Variants in STPG4 observed in about 807,000 individuals in gnomAD.
STPG4 encodes the protein sperm-tail PG-rich repeat containing 4.
A neutral mutation model predicts 31.5 loss-of-function variants in STPG4; 41 were observed. The ratio of observed to expected loss-of-function variants is 1.30; its 90% CI spans 1.01 to 1.69. The LOEUF (loss-of-function observed/expected upper bound fraction) is 1.69. Among genes scored for constraint, STPG4 ranks in the 40% most tolerant of loss-of-function variants. The pLI, the probability that STPG4 is intolerant of heterozygous loss-of-function variation, is 0.00. For synonymous variants in STPG4, 141 were observed against 103.0 expected (o/e 1.37, Z -2.24); for missense variants, 375 against 293.4 (o/e 1.28, Z -2.03).
chr2:47,123,843 G>C (rs746092539), intron 5 of STPG4, among the ~76,000 whole-genome samples: 3 of 152,024 alleles, frequency 2.0e-5, no homozygotes, highest in Non-Finnish European at 4.4e-5. Context: ...TATATTTATG[G>C]AGTACATGAG....
At chr2:47,123,409 T>C (rs978641726) in intron 5 of STPG4, among the ~76,000 whole-genome samples, 4 of 152,176 alleles carry the variant, frequency 2.6e-5, no homozygotes, top group African/African-American at 7.2e-5. Context: ...GTGCTAGGTA[T>C]ACAGGAAAGA....
chr2:47,114,762 C>T (rs1272868841), intron 5 of STPG4, among the ~76,000 whole-genome samples: 1 of 150,974 alleles, frequency 6.6e-6, no homozygotes. Context: ...TCCAACAATA[C>T]ATTTTTTTAT....
intron 5 of STPG4, among the ~76,000 whole-genome samples, chr2:47,127,435 C>G (rs561790257): frequency 2.0e-5 from 3 of 151,876 alleles, no homozygotes; most frequent in Admixed American, 2.0e-4. Flanking sequence ...CACTCAGATG[C>G]TTTTTGTATT....
intron 5 of STPG4, among the ~76,000 whole-genome samples, chr2:47,111,511 C>A (rs1300119713): frequency 1.3e-5 from 2 of 152,164 alleles, no homozygotes; most frequent in Non-Finnish European, 2.9e-5. Flanking sequence ...TTGTCCAGTT[C>A]TCTTGGATGA....
intron 3 of STPG4, among the ~76,000 whole-genome samples, chr2:47,131,346 C>G (rs1686480319): frequency 6.6e-6 from 1 of 151,470 alleles, no homozygotes; most frequent in South Asian, 2.1e-4. Context: ...AAGCTGGTCT[C>G]AAACACCTGA....
intron 1 of STPG4, 131 bp downstream of exon 1, chr2:47,155,040 G>C (rs1160145253): frequency 1.3e-6 from 1 of 770,098 alleles, no homozygotes; most frequent in Non-Finnish European, 2.2e-6. Flanking sequence ...CGTGCGTGAG[G>C]GCAGGGAGAG....
chr2:47,107,294 G>C (rs999737991), intron 5 of STPG4, among the ~76,000 whole-genome samples: 1 of 152,116 alleles, frequency 6.6e-6, no homozygotes, highest in African/African-American at 2.4e-5. Flanking sequence ...ACGCGCAAGT[G>C]GGAACCGGGG....
Position 47,143,611 on chromosome 2 carries a change from G to A in STPG4, c.399+7647C>T, listed in dbSNP as rs189520638. Among the ~76,000 whole-genome samples, 1,475 of 151,710 alleles carry A rather than the reference G, an allele frequency of 9.7e-3. 21 individuals are homozygous for A. Among genetic ancestry groups the A allele is most frequent in the South Asian group, 0.046 (223 of 4,798 alleles). Reference sequence around the variant, plus strand: ...CGCCATTCTCCTGCCTCAGCCTCCCGAATAGCTGGGACTATAGGCGTGCGC... The same window carrying A: ...CGCCATTCTCCTGCCTCAGCCTCCCAAATAGCTGGGACTATAGGCGTGCGC... On this transcript the variant is annotated intron_variant, in intron 3 of 6. Transcript: ENST00000445927.
At chr2:47,143,581 G>C (rs1202229543) in intron 3 of STPG4, among the ~76,000 whole-genome samples, 2 of 151,624 alleles carry the variant, frequency 1.3e-5, no homozygotes, top group Admixed American at 6.6e-5. Context: ...CGCCTCCTGG[G>C]TTCACGCCAT....
intron 3 of STPG4, among the ~76,000 whole-genome samples, chr2:47,143,528 C>T (rs1558687572): frequency 6.6e-6 from 1 of 151,636 alleles, no homozygotes; most frequent in Non-Finnish European, 1.5e-5. Context: ...CTCTGTCGCC[C>T]AGGCTGGAGT....
chr2:47,111,962 A>C (rs1327646497), intron 5 of STPG4, among the ~76,000 whole-genome samples: 1 of 152,234 alleles, frequency 6.6e-6, no homozygotes, highest in Non-Finnish European at 1.5e-5. Context: ...GACACAAAGA[A>C]GGCTGCATGT....
At chr2:47,120,021 A>G (rs939800586) in intron 5 of STPG4, among the ~76,000 whole-genome samples, 2 of 152,182 alleles carry the variant, frequency 1.3e-5, no homozygotes, top group African/African-American at 2.4e-5. Context: ...TGGATAAAAA[A>G]GAGGCTTGGT....
chr2:47,139,939 C>A (rs528859675), intron 3 of STPG4, among the ~76,000 whole-genome samples: 1 of 152,074 alleles, frequency 6.6e-6, no homozygotes, highest in African/African-American at 2.4e-5. Context: ...TCACACCCGG[C>A]TAATTTTTGT....
intron 3 of STPG4, among the ~76,000 whole-genome samples, chr2:47,142,578 A>G (rs1686736867): frequency 6.6e-6 from 1 of 152,186 alleles, no homozygotes; most frequent in South Asian, 2.1e-4. Flanking sequence ...CATTGAAAAC[A>G]ATATCAACAG....
chr2:47,151,139 A>C (rs1387115750), intron 3 of STPG4, 119 bp downstream of exon 3: 5 of 1,253,018 alleles, frequency 4.0e-6, no homozygotes. Flanking sequence ...ACGGGAAATA[A>C]GACATCTTAA....
intron 5 of STPG4, among the ~76,000 whole-genome samples, chr2:47,099,071 C>T (rs934042288): frequency 2.0e-5 from 3 of 152,178 alleles, no homozygotes; most frequent in Admixed American, 6.5e-5. Flanking sequence ...GAAAATATGA[C>T]GGTCTGGGTT....
At chr2:47,095,155 G>C (rs924998571) in intron 5 of STPG4, among the ~76,000 whole-genome samples, 3 of 152,140 alleles carry the variant, frequency 2.0e-5, no homozygotes, top group African/African-American at 4.8e-5. Context: ...GCTGAATACT[G>C]TCTCTCCCCA....
intron 5 of STPG4, among the ~76,000 whole-genome samples, chr2:47,104,047 CCCTTATTA>C (rs1458343830): frequency 6.6e-6 from 1 of 151,972 alleles, no homozygotes; most frequent in Non-Finnish European, 1.5e-5. Context: ...AAGTCCCACA[CCCTTATTA>C]GGGAGAGATA....
At chr2:47,148,601 T>C (rs1686873651) in intron 3 of STPG4, among the ~76,000 whole-genome samples, 1 of 152,188 alleles carries the variant, frequency 6.6e-6, no homozygotes, top group South Asian at 2.1e-4. Context: ...TACATATGTA[T>C]ACATGTGCCA....
Sources: allele counts gnomAD v4.1 joint callset (sites outside exome capture counted in the v4.1 genomes callset), GRCh38; gene constraint gnomAD v4.1.1; transcripts MANE v1.5; gene names NCBI Gene and HGNC (gene_info 2026-07-23, HGNC 2026-07-21).